SH3RF2: variants seen among roughly 807,000 people sequenced by gnomAD.
The protein encoded by SH3RF2 is E3 ubiquitin-protein ligase SH3RF2.
Under a neutral mutation model 59.0 loss-of-function variants are expected in SH3RF2, and 43 were observed. That is an observed-to-expected ratio of 0.73 (90% confidence interval 0.57 to 0.94). SH3RF2 has a LOEUF of 0.94. Among genes scored for constraint, SH3RF2 ranks in the 40% least tolerant of loss-of-function variants. The probability of loss-of-function intolerance (pLI) is 0.00; values close to 1 mark genes in which losing one functional copy is unlikely to be tolerated. For missense variants in SH3RF2, 930 were observed against 940.1 expected, an observed-to-expected ratio of 0.99 and a Z score of 0.14; for synonymous variants, 391 against 391.5, an observed-to-expected ratio of 1.00 and a Z score of 0.01.
intron 2 of SH3RF2, among the ~76,000 whole-genome samples, chr5:145,955,651 A>C (rs184158916): frequency 6.6e-6 from 1 of 152,320 alleles, no homozygotes; most frequent in Non-Finnish European, 1.5e-5. Context: ...AAGTAGAGCA[A>C]AATTTTCCCA....
At chr5:146,052,402 C>T (rs1232387702) in intron 7 of SH3RF2, among the ~76,000 whole-genome samples, 2 of 152,140 alleles carry the variant, frequency 1.3e-5, no homozygotes, top group East Asian at 3.9e-4. Context: ...TTCTGAGATG[C>T]CTACATGTCA....
intron 5 of SH3RF2, among the ~76,000 whole-genome samples, chr5:146,019,125 T>C (rs1421558765): frequency 6.6e-6 from 1 of 152,126 alleles, no homozygotes; most frequent in Non-Finnish European, 1.5e-5. Flanking sequence ...TTAGGTTTCA[T>C]TTATTTATTT....
intron 2 of SH3RF2, among the ~76,000 whole-genome samples, chr5:145,974,845 CA>C (rs1431923216): frequency 6.6e-6 from 1 of 152,132 alleles, no homozygotes; most frequent in African/African-American, 2.4e-5. Flanking sequence ...CAAACATATG[CA>C]AAGTTGTTCC....
At chr5:146,077,516 A>AT (rs1763360983) in intron 9 of SH3RF2, among the ~76,000 whole-genome samples, 1 of 152,082 alleles carries the variant, frequency 6.6e-6, no homozygotes, top group Admixed American at 6.5e-5. Context: ...GTTCATTTTT[A>AT]TTTTTTCTGG....
chr5:146,059,883 C>T lies in SH3RF2; in HGVS notation c.1573C>T (p.Pro525Ser). 6.7e-7 allele frequency: 1 copy of T among 1,492,194 alleles called. No homozygotes were observed. The highest frequency in any genetic ancestry group is 8.9e-7 in the Non-Finnish European group (1 of 1,120,860). The allele number at this position is 1,492,194 out of a possible 1,614,324, so 92.4% of individuals were successfully genotyped here. The change falls in exon 9 of 10, where the codon CCC becomes TCC. Residue 525 changes from proline (P) to serine (S), a missense_variant. Physicochemically the swap from Pro to Ser is moderately conservative, Grantham distance 74 (BLOSUM62 -1). Coordinates refer to ENST00000359120, the MANE Select transcript of SH3RF2 (RefSeq NM_152550.4). ...TTCCCCAGATGGATCCCTGCAGAGA[C>T]CCCTCCAGTCCGGGATCCCCACTCT... is the stretch of plus-strand genomic sequence containing the variant. ...SMRKNGSLQRPLQSGIPTLVV... is the reference protein window; with the variant it reads ...SMRKNGSLQRSLQSGIPTLVV...
At chr5:146,039,119 G>A (rs1335627683) in intron 5 of SH3RF2, among the ~76,000 whole-genome samples, 1 of 152,136 alleles carries the variant, frequency 6.6e-6, no homozygotes, top group Non-Finnish European at 1.5e-5. Flanking sequence ...GATGAAATTG[G>A]ATTCCTCCCT....
Position 145,976,409 on chromosome 5 carries a change from A to C in SH3RF2, c.379-23649A>C, listed in dbSNP as rs79868094. Among the ~76,000 whole-genome samples the C allele has an allele frequency of 2.9e-3, 435 of 151,136 alleles. 3 individuals carry two copies. Among genetic ancestry groups the C allele is most frequent in the African/African-American group, 1.0e-2 (410 of 41,004 alleles). Reference sequence around the variant, plus strand: ...ACAAACTCAATAAATGATGACTTTTATTAGCTATTTTGCAGACTAATGGAA... The same window carrying C: ...ACAAACTCAATAAATGATGACTTTTCTTAGCTATTTTGCAGACTAATGGAA... On this transcript the variant is annotated intron_variant, in intron 2 of 9. Transcript: ENST00000359120.
intron 5 of SH3RF2, among the ~76,000 whole-genome samples, chr5:146,030,897 C>T (rs980390228): frequency 1.3e-5 from 2 of 152,206 alleles, no homozygotes; most frequent in Non-Finnish European, 2.9e-5. Context: ...TCAATGGCTG[C>T]TTTCACACTA....
chr5:146,029,288 G>A (rs532605619), intron 5 of SH3RF2, among the ~76,000 whole-genome samples: 2 of 152,246 alleles, frequency 1.3e-5, no homozygotes, highest in Admixed American at 6.5e-5. Context: ...GCTGTCTTCC[G>A]GGCCCATGCT....
intron 5 of SH3RF2, among the ~76,000 whole-genome samples, chr5:146,020,519 A>G (rs1026790391): frequency 6.6e-6 from 1 of 152,152 alleles, no homozygotes; most frequent in Admixed American, 6.6e-5. Flanking sequence ...CTGTAAGCAT[A>G]TTATTTTTCA....
Position 146,013,840 on chromosome 5 carries a change from G to A in SH3RF2, c.838G>A (p.Gly280Ser). The change falls in exon 5 of 10, where the codon GGC becomes AGC. Residue 280 changes from glycine (G) to serine (S), a missense_variant. Coordinates refer to ENST00000359120, the MANE Select transcript of SH3RF2 (RefSeq NM_152550.4). Reference protein sequence around the residue: ...NLSLVSSSSRGNTSTLRRGPG... With the variant: ...NLSLVSSSSRSNTSTLRRGPG... ...GTCCCTGGTGTCCTCGTCCTCCAGA[G>A]GCAACACGTCTACCCTCCGTAGGGG... 1.2e-6 allele frequency: 2 copies of A among 1,614,178 alleles called. No individual in the cohort carries two copies. The highest frequency in any genetic ancestry group is 1.1e-5 in the South Asian group (1 of 91,088).
intron 2 of SH3RF2, among the ~76,000 whole-genome samples, chr5:145,953,074 T>G (rs906107203): frequency 1.2e-4 from 18 of 151,878 alleles, no homozygotes; most frequent in Non-Finnish European, 1.9e-4. Flanking sequence ...TGGTAAAGGC[T>G]CTGAAGAAAT....
intron 7 of SH3RF2, among the ~76,000 whole-genome samples, chr5:146,051,203 A>G (rs887728325): frequency 1.3e-5 from 2 of 152,204 alleles, no homozygotes; most frequent in Admixed American, 1.3e-4. Context: ...GGATTAGAGC[A>G]AGCAAGGGGG....
At chr5:146,020,514 A>T (rs1761278563) in intron 5 of SH3RF2, among the ~76,000 whole-genome samples, 1 of 152,086 alleles carries the variant, frequency 6.6e-6, no homozygotes, top group Non-Finnish European at 1.5e-5. Context: ...AGGCCCTGTA[A>T]GCATATTATT....
At chr5:145,984,155 C>T (rs1158022875) in intron 2 of SH3RF2, among the ~76,000 whole-genome samples, 1 of 151,964 alleles carries the variant, frequency 6.6e-6, no homozygotes, top group Non-Finnish European at 1.5e-5. Flanking sequence ...GTGTATGTCT[C>T]ATTTATTGTA....
chr5:145,974,669 A>G (rs939274607), intron 2 of SH3RF2, among the ~76,000 whole-genome samples: 2 of 152,186 alleles, frequency 1.3e-5, no homozygotes, highest in Non-Finnish European at 2.9e-5. Context: ...CAGAGACGTG[A>G]AGCAAGTTTC....
chr5:146,026,618 T>A (rs2906823), intron 5 of SH3RF2, among the ~76,000 whole-genome samples: 1 of 152,156 alleles, frequency 6.6e-6, no homozygotes, highest in Non-Finnish European at 1.5e-5. Flanking sequence ...TTTCTTTCTG[T>A]CTGGTGCAAA....
intron 5 of SH3RF2, among the ~76,000 whole-genome samples, chr5:146,026,834 T>C (rs1761546164): frequency 6.6e-6 from 1 of 152,130 alleles, no homozygotes; most frequent in African/African-American, 2.4e-5. Context: ...ATCTGTAAAA[T>C]GGGACTAATG....
At chr5:146,017,168 A>C (rs1043085575) in intron 5 of SH3RF2, among the ~76,000 whole-genome samples, 4 of 152,210 alleles carry the variant, frequency 2.6e-5, no homozygotes, top group African/African-American at 9.6e-5. Flanking sequence ...AACTGCAACT[A>C]CGGACTAAAA....
Sources: allele counts gnomAD v4.1 joint callset (sites outside exome capture counted in the v4.1 genomes callset), GRCh38; gene constraint gnomAD v4.1.1; transcripts MANE v1.5; gene names NCBI Gene and HGNC (gene_info 2026-07-23, HGNC 2026-07-21).